Variants in SDK2 observed in about 807,000 individuals in gnomAD.
The protein encoded by SDK2 is sidekick cell adhesion molecule 2.
SDK2 carries 105 observed loss-of-function variants against 253.9 expected under a neutral mutation model. The observed-to-expected ratio is 0.41, with a 90% CI of 0.35 to 0.49. The LOEUF (loss-of-function observed/expected upper bound fraction) is 0.49, where lower values mean the gene tolerates loss of function less well. Among genes scored for constraint, SDK2 ranks in the 20% least tolerant of loss-of-function variants. SDK2 has a pLI of 0.06. For synonymous variants in SDK2, 1,249 were observed against 1,234.9 expected (o/e 1.01, Z -0.24); for missense variants, 2,608 against 3,003.0 (o/e 0.87, Z 3.07).
intron 1 of SDK2, among the ~76,000 whole-genome samples, chr17:73,596,235 G>C (rs2045756732): frequency 6.6e-6 from 1 of 152,122 alleles, no homozygotes; most frequent in Non-Finnish European, 1.5e-5. Flanking sequence ...AGGGTGAGTG[G>C]GGAGGCAGTG....
At chr17:73,362,572 G>T (rs1425675534) in intron 38 of SDK2, among the ~76,000 whole-genome samples, 1 of 152,002 alleles carries the variant, frequency 6.6e-6, no homozygotes, top group Non-Finnish European at 1.5e-5. Flanking sequence ...TTAAATTTTT[G>T]TAGAGACAGG....
intron 2 of SDK2, among the ~76,000 whole-genome samples, chr17:73,489,817 T>G (rs1005406152): frequency 3.9e-5 from 6 of 152,218 alleles, no homozygotes; most frequent in Non-Finnish European, 8.8e-5. Flanking sequence ...CACCGCTATA[T>G]CATCAATGTC....
At position 73,361,140 on chromosome 17, in the gene SDK2, GC is replaced by G. The variant is rs1235331715; in HGVS notation, c.5467+543del. 2.0e-5 allele frequency among the ~76,000 whole-genome samples: 3 copies of G among 152,030 alleles called. No homozygotes were observed. The highest frequency in any genetic ancestry group is 4.8e-5 in the African/African-American group (2 of 41,396). On this transcript the variant is annotated intron_variant, in intron 39 of 44. Transcript: ENST00000392650. The surrounding 1 kb of genome is among the most constrained non-coding windows in gnomAD (Gnocchi z 4.1). ...TTTCTCAAGGTGCCACTTTGTCACG[GC>G]CTCCAGGGGCTTTTGTCTAAGTGCA...
chr17:73,415,913 C>A lies in SDK2; in HGVS notation c.2266G>T (p.Asp756Tyr). ...TCGTAGTTGGTCCAAATGATGAGAT[C>A]CTCCAGCAGCAGGTTGTTCACATCA... Reference protein sequence around the residue: ...DADVNNLLLEDLIIWTNYEIE... With the variant: ...DADVNNLLLEYLIIWTNYEIE... Residue 756 changes from aspartate (D) to tyrosine (Y), a missense_variant, in exon 17 of 45, where the codon GAT becomes TAT. Physicochemically the swap from Asp to Tyr is radical, Grantham distance 160 (BLOSUM62 -3). Coordinates refer to ENST00000392650, the MANE Select transcript of SDK2 (RefSeq NM_001144952.2). 1.2e-6 allele frequency: 2 copies of A among 1,608,688 alleles called. No homozygotes were observed. Among genetic ancestry groups the A allele is most frequent in the Non-Finnish European group, 1.7e-6 (2 of 1,177,750 alleles).
At chr17:73,456,356 G>A (rs1054778983) in intron 3 of SDK2, among the ~76,000 whole-genome samples, 4 of 152,162 alleles carry the variant, frequency 2.6e-5, no homozygotes, top group African/African-American at 4.8e-5. Flanking sequence ...AATGGGCTCC[G>A]AGAGGTTAGT....
In SDK2 at chr17:73,383,021, T is replaced by C. The variant is rs1227193087; in HGVS notation, c.4705+855A>G. On this transcript the variant is annotated intron_variant, in intron 33 of 44. Coordinates refer to ENST00000392650, the MANE Select transcript of SDK2 (RefSeq NM_001144952.2). This position sits in a 1 kb window ranked among gnomAD's most constrained non-coding sequence, Gnocchi z 4.3. ...TCCAGCCTGGGCAACAGAGCGAGACTCTGTCTAAAAAAACCCAAAAAACAA... is the reference window on the plus strand; with the variant it reads ...TCCAGCCTGGGCAACAGAGCGAGACCCTGTCTAAAAAAACCCAAAAAACAA... Among the ~76,000 whole-genome samples the C allele has an allele frequency of 1.3e-5, 2 of 152,140 alleles. No individual in the cohort carries two copies. Among genetic ancestry groups the C allele is most frequent in the African/African-American group, 2.4e-5 (1 of 41,424 alleles).
At chr17:73,557,183 C>G (rs2145845627) in intron 1 of SDK2, among the ~76,000 whole-genome samples, 1 of 152,306 alleles carries the variant, frequency 6.6e-6, no homozygotes, top group Non-Finnish European at 1.5e-5. Flanking sequence ...TAAGTTTCAA[C>G]TGAAGCTCAT....
intron 33 of SDK2, among the ~76,000 whole-genome samples, chr17:73,382,417 T>C (rs954039677): frequency 6.6e-5 from 10 of 152,090 alleles, no homozygotes; most frequent in Admixed American, 1.3e-4. Context: ...TATAAAAATC[T>C]CTAGTGGTCT....
chr17:73,423,369 G>C lies in SDK2; in HGVS notation c.1897+17C>G. On this transcript the variant is annotated intron_variant, in intron 14 of 44. Coordinates refer to ENST00000392650, the MANE Select transcript of SDK2 (RefSeq NM_001144952.2). ...AGCTTGGGCGGGAGGTGTTGGAGGT[G>C]ACCACGGGAAGCTTACTGTTCTCCG... 1.4e-6 allele frequency: 2 copies of C among 1,422,686 alleles called. No individual in the cohort carries two copies. Among genetic ancestry groups the C allele is most frequent in the Non-Finnish European group, 1.9e-6 (2 of 1,074,636 alleles). 88.1% of individuals were successfully genotyped at this position (1,422,686 alleles called of 1,614,324 possible). A position where few individuals can be genotyped will look rare whatever the true frequency, so the allele number is the denominator to read the frequency against.
intron 1 of SDK2, among the ~76,000 whole-genome samples, chr17:73,573,615 C>T (rs2045417669): frequency 6.6e-6 from 1 of 152,212 alleles, no homozygotes; most frequent in African/African-American, 2.4e-5. Flanking sequence ...GTTGCCATCA[C>T]CCTGGGCAGC....
chr17:73,519,580 T>G (rs1277850684), intron 1 of SDK2: 1 of 152,204 alleles, frequency 6.6e-6, no homozygotes, highest in Admixed American at 6.5e-5. Flanking sequence ...TTTACCCATT[T>G]AATCCTCCCA....
intron 2 of SDK2, among the ~76,000 whole-genome samples, chr17:73,487,854 T>C (rs776400639): frequency 6.6e-6 from 1 of 152,194 alleles, no homozygotes; most frequent in South Asian, 2.1e-4. Flanking sequence ...AGGCTGATCA[T>C]AGCCCCAAAG....
chr17:73,395,072 T>C lies in SDK2; in HGVS notation c.3592+83A>G, dbSNP rs1282218026. 4 of 1,060,312 alleles carry C rather than the reference T, an allele frequency of 3.8e-6. No homozygotes were observed. In the East Asian group the frequency reaches 7.8e-5, roughly 21 times the overall value. 65.7% of individuals were successfully genotyped at this position (1,060,312 alleles called of 1,614,324 possible). ...CTGTTTTTGAACAACACCTTCAGCC[T>C]GGCACGCGCTTGGATGACCCTGAGG... On this transcript the variant is annotated intron_variant, in intron 25 of 44. Transcript: ENST00000392650. The surrounding 1 kb of genome is among the most constrained non-coding windows in gnomAD (Gnocchi z 4.3).
intron 18 of SDK2, among the ~76,000 whole-genome samples, chr17:73,407,297 G>A (rs368707692): frequency 6.6e-6 from 1 of 152,102 alleles, no homozygotes; most frequent in African/African-American, 2.4e-5. Context: ...AAATTGCAAG[G>A]AAGCTATCAG....
chr17:73,451,343 C>T (rs1375872731), intron 4 of SDK2, among the ~76,000 whole-genome samples: 1 of 152,122 alleles, frequency 6.6e-6, no homozygotes, highest in African/African-American at 2.4e-5. Context: ...CCTGTATCTA[C>T]TAAAAATACA....
chr17:73,604,913 C>T (rs1599719526), intron 1 of SDK2, among the ~76,000 whole-genome samples: 1 of 152,136 alleles, frequency 6.6e-6, no homozygotes, highest in South Asian at 2.1e-4. Flanking sequence ...AACACTGGCA[C>T]ATATGCACAT....
rs552699520 is a variant in SDK2 at position 73,626,204 on chromosome 17, T to C, written c.64+17821A>G. Reference sequence around the variant, plus strand: ...GGACCTTCTGAGAGGGCAAGAGATGTGCCAGAATTGCGCCTGAGCGAGCTG... The same window carrying C: ...GGACCTTCTGAGAGGGCAAGAGATGCGCCAGAATTGCGCCTGAGCGAGCTG... On this transcript the variant is annotated intron_variant, in intron 1 of 44. Coordinates refer to ENST00000392650, the MANE Select transcript of SDK2 (RefSeq NM_001144952.2). Among the ~76,000 whole-genome samples, 6 of 152,338 alleles carry C rather than the reference T, an allele frequency of 3.9e-5. No individual in the cohort carries two copies. The South Asian group carries it at 1.2e-3, about 32-fold the overall frequency.
intron 2 of SDK2, among the ~76,000 whole-genome samples, chr17:73,503,673 C>A (rs1054668602): frequency 2.0e-5 from 3 of 152,204 alleles, no homozygotes; most frequent in Non-Finnish European, 4.4e-5. Flanking sequence ...ATGTTAACAA[C>A]TTTCACCCTT....
chr17:73,423,516 C>T lies in SDK2; in HGVS notation c.1767G>A (p.Leu589=). Residue 589 remains leucine (L), a synonymous_variant, in exon 14 of 45, where the codon CTG becomes CTA. Transcript: ENST00000392650. ...SRSAHLRVRQ[L]PHAPEHPVAT... ...CCACTGGGTGCTCGGGCGCGTGGGG[C>T]AGTTGCCTGGAAAAGAGACACGTGG... 6.4e-7 allele frequency: 1 copy of T among 1,556,178 alleles called. No homozygotes were observed. The highest frequency in any genetic ancestry group is 8.7e-7 in the Non-Finnish European group (1 of 1,148,318).
Sources: allele counts gnomAD v4.1 joint callset (sites outside exome capture counted in the v4.1 genomes callset), GRCh38; gene constraint gnomAD v4.1.1; non-coding constraint Gnocchi (gnomAD v3.1); transcripts MANE v1.5; gene names NCBI Gene and HGNC (gene_info 2026-07-23, HGNC 2026-07-21).